The following DST variants were observed in gnomAD, a reference collection of about 807,000 sequenced individuals.
DST encodes the protein bullous pemphigoid antigen.
A neutral mutation model predicts 875.2 loss-of-function variants in DST; 253 were observed. The observed-to-expected ratio is 0.29, with a 90% CI of 0.26 to 0.32. The LOEUF (loss-of-function observed/expected upper bound fraction) is 0.32, where lower values mean the gene tolerates loss of function less well. Ranked by LOEUF, DST falls within the 10% of genes least tolerant of loss-of-function variation. The pLI is 1.00. For missense variants in DST, 8,287 were observed against 9,111.6 expected (o/e 0.91, Z 3.68); for synonymous variants, 3,124 against 3,197.1 (o/e 0.98, Z 0.77).
chr6:56,604,583 G>A lies in DST; in HGVS notation c.10045C>T (p.Gln3349Ter), dbSNP rs1346974625. Residue 3349 changes from glutamine to a stop codon, truncating the protein, a stop_gained, in exon 40 of 104, where the codon CAG becomes TAG. Transcript: ENST00000680361. LOFTEE classifies it high-confidence loss of function. ...EKEVQIPELSQVFVEDVKDIL... is the reference protein window; with the variant it reads ...EKEVQIPELS ...TCCTTTACATCCTCCACAAATACCT[G>A]AGACAATTCAGGAATCTGAACCTCC... The A allele has an allele frequency of 3.7e-6, 6 of 1,611,752 alleles. No individual in the cohort carries two copies. The highest frequency in any genetic ancestry group is 5.1e-6 in the Non-Finnish European group (6 of 1,178,968).
In DST at chr6:56,640,248, G is replaced by T. The variant is rs774477721; in HGVS notation, c.2385C>A (p.Ile795=). The change falls in exon 18 of 104, where the codon ATC becomes ATA. Residue 795 remains isoleucine, a synonymous_variant. Transcript: ENST00000680361. ...NSLQTLKLMQ[I]RKPLLKSSLL... is the part of the protein sequence containing the mutation. ...AAGAAGACTTTAGAAGGGGTTTTCG[G>T]ATCTGCATCAACTTCAAAGTTTGCA... 1.4e-5 allele frequency: 22 copies of T among 1,614,134 alleles called. No homozygotes were observed. Among genetic ancestry groups the T allele is most frequent in the Non-Finnish European group, 1.9e-5 (22 of 1,180,012 alleles).
chr6:56,871,123 T>C (rs1776892667), intron 3 of DST: 3 of 602,098 alleles, frequency 5.0e-6, no homozygotes, highest in Non-Finnish European at 3.0e-6. Context: ...TACAAAAAGA[T>C]ATAAACATAT....
At chr6:56,669,300 A>C (rs1304912647) in intron 10 of DST, among the ~76,000 whole-genome samples, 4 of 151,644 alleles carry the variant, frequency 2.6e-5, no homozygotes, top group Non-Finnish European at 4.4e-5. Context: ...AAAAAAAAAA[A>C]AAAAAACTGA....
intron 4 of DST, among the ~76,000 whole-genome samples, chr6:56,780,065 T>C (rs1348025240): frequency 1.3e-5 from 2 of 151,894 alleles, no homozygotes; most frequent in African/African-American, 2.4e-5. Context: ...TCATCATTTT[T>C]TATGGCTGCA....
At chr6:56,944,851 G>A (rs1006525427) in intron 2 of DST, among the ~76,000 whole-genome samples, 1 of 152,188 alleles carries the variant, frequency 6.6e-6, no homozygotes, top group Non-Finnish European at 1.5e-5. Context: ...GACAGTTCTG[G>A]CCAGTGAAGG....
chr6:56,506,206 C>T (rs1252072975), intron 77 of DST, among the ~76,000 whole-genome samples: 1 of 152,094 alleles, frequency 6.6e-6, no homozygotes, highest in Non-Finnish European at 1.5e-5. Context: ...GTAAATTTCA[C>T]TGAATGTGTA....
In DST at chr6:56,620,310, A is replaced by G. The variant is rs2230861; in HGVS notation, c.4929+4220T>C. 2.1e-4 allele frequency: 344 copies of G among 1,614,070 alleles called. 4 individuals are homozygous for G. The East Asian group carries it at 5.0e-3, about 24-fold the overall frequency. ...CGTCTGGTAAAGGTGTTTTCCTCCAACTGATTGCGAAAATTCAGGAGGTTC... is the reference window on the plus strand; with the variant it reads ...CGTCTGGTAAAGGTGTTTTCCTCCAGCTGATTGCGAAAATTCAGGAGGTTC... On this transcript the variant is annotated intron_variant, in intron 36 of 103. Coordinates refer to ENST00000680361, the MANE Select transcript of DST (RefSeq NM_001374736.1).
At position 56,604,212 on chromosome 6, in the gene DST, C is replaced by T; in HGVS notation, c.10416G>A (p.Glu3472=). The part of the protein sequence containing the change: ...FELMRELTHM[E]YDLEKRGITS... ...TAATGCCTCTTTTCTCTAGGTCATACTCCATATGAGTTAATTCTCTCATCA... is the reference window on the plus strand; with the variant it reads ...TAATGCCTCTTTTCTCTAGGTCATATTCCATATGAGTTAATTCTCTCATCA... Residue 3472 remains glutamate, a synonymous_variant, in exon 40 of 104, where the codon GAG becomes GAA. Transcript: ENST00000680361. 6.2e-7 allele frequency: 1 copy of T among 1,606,820 alleles called. No individual in the cohort carries two copies. Among genetic ancestry groups the T allele is most frequent in the Non-Finnish European group, 8.5e-7 (1 of 1,175,940 alleles).
At chr6:56,865,315 AAG>A (rs1773459260) in intron 3 of DST, among the ~76,000 whole-genome samples, 1 of 137,864 alleles carries the variant, frequency 7.3e-6, no homozygotes, top group East Asian at 2.1e-4. Flanking sequence ...GTGTGTGTGT[AAG>A]AGAGACAGAG....
At chr6:56,595,421 A>G (rs1005398511) in intron 47 of DST, among the ~76,000 whole-genome samples, 1 of 151,996 alleles carries the variant, frequency 6.6e-6, no homozygotes, top group Admixed American at 6.6e-5. Context: ...CTTCTAACCT[A>G]CCATATAACT....
intron 72 of DST, among the ~76,000 whole-genome samples, chr6:56,512,699 A>C (rs953716001): frequency 2.6e-5 from 4 of 152,240 alleles, no homozygotes; most frequent in Non-Finnish European, 5.9e-5. Flanking sequence ...TACTAAAATC[A>C]ATTATGAGCA....
rs373227816 is a variant in DST at position 56,608,306 on chromosome 6, C to G, written c.6322G>C (p.Ala2108Pro). The change falls in exon 40 of 104, where the codon GCT becomes CCT. Residue 2108 changes from alanine (A) to proline (P), a missense_variant. Ala to Pro is a conservative substitution (Grantham distance 27). Around this residue, in one of 10 missense-constraint regions of DST, gnomAD observed 3,138 missense variants for 3,116.6 expected, o/e 1.01. Coordinates refer to ENST00000680361, the MANE Select transcript of DST (RefSeq NM_001374736.1). ...GAACTTTCTGGAATATAAAGAGCAG[C>G]TATTTTTTGTCTGCCATTCAGGATT... ...YKILNGRQKI[A>P]ALYIPESSQV... 62 of 1,613,292 alleles carry G rather than the reference C, an allele frequency of 3.8e-5. 2 individuals are homozygous for G. In the Middle Eastern group the frequency reaches 3.0e-3, roughly 77 times the overall value.
chr6:56,665,108 G>A (rs746127590), intron 10 of DST, among the ~76,000 whole-genome samples: 7 of 151,906 alleles, frequency 4.6e-5, no homozygotes, highest in African/African-American at 1.5e-4. Context: ...GCTTAATTTC[G>A]CTGTGATTTT....
chr6:56,477,601 T>A, intron 90 of DST, 113 bp from the exon 91 acceptor site: 1 of 1,345,306 alleles, frequency 7.4e-7, no homozygotes, highest in Non-Finnish European at 1.0e-6. Context: ...TTCAATTGGT[T>A]TATTCACAGT....
At position 56,511,193 on chromosome 6, in the gene DST, T is replaced by C; in HGVS notation, c.18780+4A>G. Reference sequence around the variant, plus strand: ...CCAATTCTATATCTAGTGTAAACAATTACCTGAGTTGATTGAGAAATGGCT... The same window carrying C: ...CCAATTCTATATCTAGTGTAAACAACTACCTGAGTTGATTGAGAAATGGCT... On this transcript the variant is annotated splice_donor_region_variant and intron_variant, in intron 73 of 103. Transcript: ENST00000680361. 5.7e-6 allele frequency: 9 copies of C among 1,572,244 alleles called. No individual in the cohort carries two copies. Among genetic ancestry groups the C allele is most frequent in the East Asian group, 2.3e-5 (1 of 43,224 alleles).
At chr6:56,762,168 G>C (rs1284846602) in intron 4 of DST, among the ~76,000 whole-genome samples, 1 of 152,082 alleles carries the variant, frequency 6.6e-6, no homozygotes, top group African/African-American at 2.4e-5. Context: ...TTACAGGTAT[G>C]CGCCACCACG....
intron 9 of DST, among the ~76,000 whole-genome samples, chr6:56,680,153 T>C (rs968290511): frequency 1.3e-5 from 2 of 152,172 alleles, no homozygotes; most frequent in Non-Finnish European, 2.9e-5. Context: ...CCTAAAAAAG[T>C]ATTCTGTATT....
At position 56,618,364 on chromosome 6, in the gene DST, C is replaced by T. The variant is rs2152734220; in HGVS notation, c.4930-3880G>A. 6.2e-7 allele frequency: 1 copy of T among 1,614,108 alleles called. No homozygotes were observed. Among genetic ancestry groups the T allele is most frequent in the Non-Finnish European group, 8.5e-7 (1 of 1,180,002 alleles). On this transcript the variant is annotated intron_variant, in intron 36 of 103. Coordinates refer to ENST00000680361, the MANE Select transcript of DST (RefSeq NM_001374736.1). The stretch of plus-strand genomic sequence containing the variant: ...TTCTAGAGGACAGCTCTCCAGAGTG[C>T]TGGCACTCCTTCACTGTCATCTCAA...
chr6:56,528,550 A>G (rs1192073912), intron 67 of DST, among the ~76,000 whole-genome samples: 2 of 152,210 alleles, frequency 1.3e-5, no homozygotes, highest in Non-Finnish European at 2.9e-5. Flanking sequence ...CCACAAGTGG[A>G]AAAGTAATGT....
Sources: gnomAD v4.1 joint callset for allele counts (sites outside exome capture counted in the v4.1 genomes callset) on GRCh38, gnomAD v4.1.1 for gene constraint, gnomAD v4.1.1 regional missense constraint, MANE v1.5 for transcripts, NCBI Gene and HGNC (gene_info 2026-07-23, HGNC 2026-07-21) for gene names.